The following PLEKHG4 variants were observed in gnomAD, a reference collection of about 807,000 sequenced individuals.
PLEKHG4 encodes the protein puratrophin-1.
PLEKHG4 carries 85 observed loss-of-function variants against 136.9 expected under a neutral mutation model. That is an observed-to-expected ratio of 0.62 (90% confidence interval 0.52 to 0.74). The LOEUF (loss-of-function observed/expected upper bound fraction) is 0.74. Ranked by LOEUF, PLEKHG4 falls within the 30% of genes least tolerant of loss-of-function variation. The probability of loss-of-function intolerance (pLI) is 0.00; values close to 1 mark genes in which losing one functional copy is unlikely to be tolerated. For missense variants in PLEKHG4, 1,317 were observed against 1,527.8 expected, an observed-to-expected ratio of 0.86 and a Z score of 2.30; for synonymous variants, 577 against 646.9, an observed-to-expected ratio of 0.89 and a Z score of 1.64.
At chr16:67,287,235 C>A (rs2036520028) in intron 18 of PLEKHG4, 58 bp downstream of exon 18, 1 of 1,546,414 alleles carries the variant, frequency 6.5e-7, no homozygotes. Context: ...TTACATTGAC[C>A]CACAGGAGCC....
chr16:67,282,186 T>C lies in PLEKHG4; in HGVS notation c.1105-15T>C, dbSNP rs2142441503. 6.2e-7 allele frequency: 1 copy of C among 1,613,614 alleles called. No homozygotes were observed. The highest frequency in any genetic ancestry group is 8.5e-7 in the Non-Finnish European group (1 of 1,179,996). On this transcript the variant is annotated splice_polypyrimidine_tract_variant and intron_variant, in intron 8 of 21. Coordinates refer to ENST00000379344, the MANE Select transcript of PLEKHG4 (RefSeq NM_001129729.3). Reference sequence around the variant, plus strand: ...TCCCATGGCCACCTCCACAGCTTATTGCCCTCAATCACAGGAGGTCGGTCA... The same window carrying C: ...TCCCATGGCCACCTCCACAGCTTATCGCCCTCAATCACAGGAGGTCGGTCA...
chr16:67,287,232 G>A (rs556403952), intron 18 of PLEKHG4, 55 bp downstream of exon 18: 2 of 1,559,490 alleles, frequency 1.3e-6, no homozygotes, highest in African/African-American at 2.7e-5. Flanking sequence ...AGCTTACATT[G>A]ACCCACAGGA....
chr16:67,279,110 C>G (rs1218293558), upstream of PLEKHG4: 1 of 152,254 alleles, frequency 6.6e-6, no homozygotes, highest in Admixed American at 6.5e-5. Flanking sequence ...CTGGGAGACC[C>G]CGCCCCGCCC....
chr16:67,287,183 T>A lies in PLEKHG4; in HGVS notation c.3103+6T>A. 2 of 1,604,540 alleles carry A rather than the reference T, an allele frequency of 1.2e-6. No individual in the cohort carries two copies. Among genetic ancestry groups the A allele is most frequent in the Non-Finnish European group, 8.5e-7 (1 of 1,179,594 alleles). On this transcript the variant is annotated splice_donor_region_variant and intron_variant, in intron 18 of 21. Coordinates refer to ENST00000379344, the MANE Select transcript of PLEKHG4 (RefSeq NM_001129729.3). ...GCAGGCCGTCCACAACAAGGGTGGGTCCATGCCCCTCCTTCACGCCACACT... is the reference window on the plus strand; with the variant it reads ...GCAGGCCGTCCACAACAAGGGTGGGACCATGCCCCTCCTTCACGCCACACT...
chr16:67,281,206 C>G, intron 5 of PLEKHG4, 22 bp downstream of exon 5: 3 of 1,513,944 alleles, frequency 2.0e-6, no homozygotes, highest in Non-Finnish European at 2.8e-6. Flanking sequence ...ATTGTAGCTC[C>G]CCTCATTCCT....
chr16:67,282,619 C>T lies in PLEKHG4; in HGVS notation c.1370C>T (p.Ala457Val), dbSNP rs2142444945. 6.2e-7 allele frequency: 1 copy of T among 1,613,944 alleles called. No homozygotes were observed. Among genetic ancestry groups the T allele is most frequent in the Non-Finnish European group, 8.5e-7 (1 of 1,180,050 alleles). ...QALELVQTLE[A>V]RESGLHQIEV... Reference sequence around the variant, plus strand: ...CTAGAGTTGGTCCAAACACTGGAGGCCCGGGAAAGCGGACTGCACCAGGTC... The same window carrying T: ...CTAGAGTTGGTCCAAACACTGGAGGTCCGGGAAAGCGGACTGCACCAGGTC... Residue 457 changes from alanine to valine, a missense_variant, in exon 10 of 22, where the codon GCC becomes GTC. Ala to Val is a moderately conservative substitution (Grantham distance 64). Transcript: ENST00000379344.
chr16:67,287,868 G>C (rs780842103), intron 18 of PLEKHG4, 30 bp from the exon 19 acceptor site: 1 of 1,433,696 alleles, frequency 7.0e-7, no homozygotes, highest in Non-Finnish European at 9.9e-7. Context: ...ATGTCCAGAA[G>C]CATCCCACTT....
rs544577020 is a variant in PLEKHG4 at position 67,285,410 on chromosome 16, C to T, written c.2316C>T (p.Arg772=). The change falls in exon 14 of 22, where the codon CGC becomes CGT. Residue 772 remains arginine (R), a synonymous_variant. Transcript: ENST00000379344. The part of the protein sequence containing the change: ...LDRPDVPQGL[R]GQRAHLFGNL... ...GCCCCGATGTGCCCCAGGGCCTCCGCGGTCAGCGTGCCCACCTCTTTGGCA... is the reference window on the plus strand; with the variant it reads ...GCCCCGATGTGCCCCAGGGCCTCCGTGGTCAGCGTGCCCACCTCTTTGGCA... 277 of 1,614,214 alleles carry T rather than the reference C, an allele frequency of 1.7e-4. No homozygotes were observed. Among genetic ancestry groups the T allele is most frequent in the South Asian group, 4.7e-4 (43 of 91,092 alleles).
chr16:67,280,673 GTGGT>G lies in PLEKHG4; in HGVS notation c.500-37_500-34del. The G allele has an allele frequency of 6.2e-7, 1 of 1,613,788 alleles. No individual in the cohort carries two copies. Among genetic ancestry groups the G allele is most frequent in the Non-Finnish European group, 8.5e-7 (1 of 1,179,838 alleles). Reference sequence around the variant, plus strand: ...GGTCCAAGTAGGGGTCTCTGGATAGGTGGTCCAAGGCAGACCCAAGTCATTTCCC... The same window carrying G: ...GGTCCAAGTAGGGGTCTCTGGATAGGCCAAGGCAGACCCAAGTCATTTCCC... On this transcript the variant is annotated intron_variant, in intron 2 of 21. Transcript: ENST00000379344. This position sits in a 1 kb window ranked among gnomAD's most constrained non-coding sequence, Gnocchi z 4.4.
At chr16:67,281,225 CT>C (rs543438570) in intron 5 of PLEKHG4, 41 bp downstream of exon 5, 59,780 of 1,020,762 alleles carry the variant, frequency 0.059, 12 homozygotes, top group East Asian at 0.067. Flanking sequence ...CTTTTCTTTT[CT>C]TTTTTTTTTT....
At chr16:67,279,811 G>A in intron 1 of PLEKHG4, 65 bp from the exon 2 acceptor site, 1 of 554,286 alleles carries the variant, frequency 1.8e-6, no homozygotes, top group Non-Finnish European at 3.2e-6. Context: ...CGGAGCAGAG[G>A]CCCACGGGCG....
At position 67,281,555 on chromosome 16, in the gene PLEKHG4, G is replaced by C; in HGVS notation, c.814-12G>C. 6.2e-7 allele frequency: 1 copy of C among 1,611,818 alleles called. No individual in the cohort carries two copies. The highest frequency in any genetic ancestry group is 1.7e-5 in the Admixed American group (1 of 59,974). ...AGAGTTGGGGATAGTGCTGAGCTCA[G>C]GTTCCTTGCAGGAAGCAGCCCCAGG... On this transcript the variant is annotated splice_polypyrimidine_tract_variant and intron_variant, in intron 5 of 21. Coordinates refer to ENST00000379344, the MANE Select transcript of PLEKHG4 (RefSeq NM_001129729.3).
At position 67,284,619 on chromosome 16, in the gene PLEKHG4, C is replaced by A; in HGVS notation, c.1693-94C>A. ...GTCACTGGGGCTGTGTCCTGGACAG[C>A]ATCCTGTGGGGATGGGGAGTGGGTA... On this transcript the variant is annotated intron_variant, in intron 12 of 21. Transcript: ENST00000379344. This position sits in a 1 kb window ranked among gnomAD's most constrained non-coding sequence, Gnocchi z 4.4. The A allele has an allele frequency of 6.6e-7, 1 of 1,524,214 alleles. No homozygotes were observed. The highest frequency in any genetic ancestry group is 2.3e-5 in the East Asian group (1 of 43,218). 94.4% of individuals were successfully genotyped at this position (1,524,214 alleles called of 1,614,324 possible). A position where few individuals can be genotyped will look rare whatever the true frequency, so the allele number is the denominator to read the frequency against.
At chr16:67,287,375 C>G (rs576129169) in intron 18 of PLEKHG4, among the ~76,000 whole-genome samples, 198 bp downstream of exon 18, 1 of 152,360 alleles carries the variant, frequency 6.6e-6, no homozygotes, top group African/African-American at 2.4e-5. Context: ...GTGAACTTCT[C>G]TGAATATAAG....
chr16:67,284,572 T>G lies in PLEKHG4; in HGVS notation c.1692+115T>G, dbSNP rs2036377027. 5 of 1,470,256 alleles carry G rather than the reference T, an allele frequency of 3.4e-6. No homozygotes were observed. The highest frequency in any genetic ancestry group is 4.4e-4 in the Middle Eastern group (2 of 4,570). 91.1% of individuals were successfully genotyped at this position (1,470,256 alleles called of 1,614,324 possible). A position where few individuals can be genotyped will look rare whatever the true frequency, so the allele number is the denominator to read the frequency against. The stretch of plus-strand genomic sequence containing the variant: ...ATGCTGCCTGTTCTCTTCCCTGGTC[T>G]TCAGTTTGACCCTAAAACCCAGTCA... On this transcript the variant is annotated intron_variant, in intron 12 of 21. Transcript: ENST00000379344. This position sits in a 1 kb window ranked among gnomAD's most constrained non-coding sequence, Gnocchi z 4.4.
chr16:67,278,968 C>G (rs1323099460), upstream of PLEKHG4: 1 of 152,356 alleles, frequency 6.6e-6, no homozygotes, highest in Non-Finnish European at 1.5e-5. Flanking sequence ...TGGTCTCACT[C>G]CCACCCGGAT....
rs1034652274 is a variant in PLEKHG4, at chr16:67,284,660, C to A, written c.1693-53C>A. 1.5e-5 allele frequency: 24 copies of A among 1,595,766 alleles called. No homozygotes were observed. The African/African-American group carries it at 3.2e-4, about 21-fold the overall frequency. On this transcript the variant is annotated intron_variant, in intron 12 of 21. Coordinates refer to ENST00000379344, the MANE Select transcript of PLEKHG4 (RefSeq NM_001129729.3). This position sits in a 1 kb window ranked among gnomAD's most constrained non-coding sequence, Gnocchi z 4.4. ...GGAGTGGGTAGAGGAGCAGAGTGCC[C>A]AGCAGGCTTGGCAGGATCTTCCTCT...
intron 5 of PLEKHG4, 41 bp downstream of exon 5, chr16:67,281,225 CTTTT>C (rs543438570): frequency 8.5e-5 from 93 of 1,095,942 alleles, no homozygotes; most frequent in Non-Finnish European, 1.0e-4. Context: ...CTTTTCTTTT[CTTTT>C]TTTTTTTTTT....
chr16:67,281,171 TCAGCCAACTA>T lies in PLEKHG4; in HGVS notation c.803_812del (p.Ser268LysfsTer13). 6.2e-7 allele frequency: 1 copy of T among 1,611,968 alleles called. No homozygotes were observed. The highest frequency in any genetic ancestry group is 8.5e-7 in the Non-Finnish European group (1 of 1,178,258). On this transcript the variant is annotated frameshift_variant, in exon 5 of 22. Transcript: ENST00000379344. LOFTEE classifies it high-confidence loss of function. Reference sequence around the variant, plus strand: ...CCAAGTTCTTCCCTCTTCTCTGGGCTCAGCCAACTACAAGTGAGTACAGGATTGTAGCTCC... The same window carrying T: ...CCAAGTTCTTCCCTCTTCTCTGGGCTCAAGTGAGTACAGGATTGTAGCTCC...
Sources: gnomAD v4.1 joint callset for allele counts (sites outside exome capture counted in the v4.1 genomes callset) on GRCh38, gnomAD v4.1.1 for gene constraint, Gnocchi (gnomAD v3.1) non-coding constraint, MANE v1.5 for transcripts, NCBI Gene and HGNC (gene_info 2026-07-23, HGNC 2026-07-21) for gene names.